The following ECT2L variants were observed in gnomAD, a reference collection of about 807,000 sequenced individuals.
ECT2L encodes epithelial cell transforming 2 like, also known as epithelial cell-transforming sequence 2 oncogene-like.
In ECT2L, 126 loss-of-function variants were observed where a neutral mutation model predicts 122.8. That is an observed-to-expected ratio of 1.03 (90% confidence interval 0.89 to 1.19). ECT2L has a LOEUF of 1.19. ECT2L is among the 50% of genes most tolerant of loss of function. The probability of loss-of-function intolerance (pLI) is 0.00; values close to 1 mark genes in which losing one functional copy is unlikely to be tolerated. For synonymous variants in ECT2L, 385 were observed against 381.8 expected, an observed-to-expected ratio of 1.01 and a Z score of -0.10; for missense variants, 1,012 against 1,064.1, an observed-to-expected ratio of 0.95 and a Z score of 0.68.
intron 20 of ECT2L, among the ~76,000 whole-genome samples, chr6:138,895,726 C>A (rs1779186449): frequency 6.6e-6 from 1 of 152,034 alleles, no homozygotes; most frequent in African/African-American, 2.4e-5. Flanking sequence ...GGCGTGCCAC[C>A]ACTCCCAGCT....
At chr6:138,803,343 C>A (rs1234387215) in intron 1 of ECT2L, among the ~76,000 whole-genome samples, 1 of 144,090 alleles carries the variant, frequency 6.9e-6, no homozygotes, top group Admixed American at 7.0e-5. Context: ...CACACACACA[C>A]AATATACTAT....
intron 4 of ECT2L, among the ~76,000 whole-genome samples, chr6:138,834,806 TGATACTGACAA>T (rs1776766021): frequency 6.6e-6 from 1 of 151,952 alleles, no homozygotes; most frequent in Non-Finnish European, 1.5e-5. Context: ...GCTTTATTGT[TGATACTGACAA>T]GATCCTCAAG....
At position 138,862,688 on chromosome 6, in the gene ECT2L, C is replaced by G; in HGVS notation, c.1260C>G (p.Pro420=). ...SQLTGTFFTA[P]TGIATGSYQH... ...TAACTGGCACGTTCTTTACGGCCCCCACTGGGATTGCAACTGGCTCTTACC... is the reference window on the plus strand; with the variant it reads ...TAACTGGCACGTTCTTTACGGCCCCGACTGGGATTGCAACTGGCTCTTACC... The change falls in exon 11 of 22, where the codon CCC becomes CCG. Residue 420 remains proline, a synonymous_variant. Transcript: ENST00000541398. 1.2e-6 allele frequency: 2 copies of G among 1,614,170 alleles called. No individual in the cohort carries two copies. The highest frequency in any genetic ancestry group is 2.2e-5 in the South Asian group (2 of 91,086).
At chr6:138,873,084 G>A (rs894089623) in intron 13 of ECT2L, among the ~76,000 whole-genome samples, 5 of 152,124 alleles carry the variant, frequency 3.3e-5, no homozygotes, top group Non-Finnish European at 5.9e-5. Flanking sequence ...CTATTGATCC[G>A]AACAGCTCAT....
chr6:138,801,181 A>G lies in ECT2L; in HGVS notation c.-244+4989A>G, dbSNP rs185928135. Reference sequence around the variant, plus strand: ...AGCAATTATGGTTTAAACTGCAATTATACAACAATTATCCATTTACTCATT... The same window carrying G: ...AGCAATTATGGTTTAAACTGCAATTGTACAACAATTATCCATTTACTCATT... On this transcript the variant is annotated intron_variant, in intron 1 of 21. Transcript: ENST00000541398. Among the ~76,000 whole-genome samples the G allele has an allele frequency of 1.5e-3, 228 of 152,306 alleles. 1 individual carries two copies. Among genetic ancestry groups the G allele is most frequent in the African/African-American group, 5.1e-3 (214 of 41,568 alleles).
rs542030488 is a variant in ECT2L at position 138,817,080 on chromosome 6, CATATT to C, written c.179+2481_179+2485del. Among the ~76,000 whole-genome samples, 145 of 152,324 alleles carry C rather than the reference CATATT, an allele frequency of 9.5e-4. 1 individual carries two copies. Among genetic ancestry groups the C allele is most frequent in the Non-Finnish European group, 1.6e-3 (111 of 68,042 alleles). ...GGTCTTTTGTGACTGGCTTCTTTCA[CATATT>C]ATAACGTTCTCAAGGTTCATCCATT... On this transcript the variant is annotated intron_variant, in intron 4 of 21. Transcript: ENST00000541398.
intron 14 of ECT2L, among the ~76,000 whole-genome samples, chr6:138,878,314 C>T (rs970129722): frequency 7.6e-4 from 116 of 152,018 alleles, no homozygotes; most frequent in African/African-American, 2.4e-3. Flanking sequence ...TATACACACA[C>T]ACACACACAC....
chr6:138,876,402 G>C, intron 13 of ECT2L, 70 bp from the exon 14 acceptor site: 1 of 1,057,968 alleles, frequency 9.5e-7, no homozygotes, highest in South Asian at 1.4e-5. Flanking sequence ...GGCCTCCTGC[G>C]GGCACAGTAC....
chr6:138,837,337 G>T (rs559851244), intron 4 of ECT2L, among the ~76,000 whole-genome samples: 4 of 151,846 alleles, frequency 2.6e-5, no homozygotes, highest in Admixed American at 6.6e-5. Context: ...AGAAGCAATC[G>T]TCTCCTTCTC....
intron 20 of ECT2L, among the ~76,000 whole-genome samples, chr6:138,891,178 GAAGT>G (rs1320193659): frequency 2.6e-5 from 4 of 152,176 alleles, no homozygotes; most frequent in South Asian, 2.1e-4. Flanking sequence ...ACTCCTTGTA[GAAGT>G]AAGATACCAA....
chr6:138,816,034 C>G (rs1413442271), intron 4 of ECT2L, among the ~76,000 whole-genome samples: 1 of 152,198 alleles, frequency 6.6e-6, no homozygotes, highest in Non-Finnish European at 1.5e-5. Context: ...AAAGACAGGG[C>G]ACAGATAAAC....
At chr6:138,870,536 T>G (rs977729154) in intron 13 of ECT2L, among the ~76,000 whole-genome samples, 1 of 152,190 alleles carries the variant, frequency 6.6e-6, no homozygotes, top group African/African-American at 2.4e-5. Flanking sequence ...AACTGCAACA[T>G]GTTAACTTGA....
At chr6:138,824,558 TA>T (rs748380178) in intron 4 of ECT2L, among the ~76,000 whole-genome samples, 8 of 131,772 alleles carry the variant, frequency 6.1e-5, no homozygotes, top group African/African-American at 1.1e-4. Context: ...AAAAAAACTA[TA>T]AAAAAAAACA....
chr6:138,860,864 C>T (rs1281403981), intron 10 of ECT2L, among the ~76,000 whole-genome samples: 1 of 152,024 alleles, frequency 6.6e-6, no homozygotes, highest in African/African-American at 2.4e-5. Flanking sequence ...TGTCCTAATG[C>T]TCTCCCTCCC....
chr6:138,799,246 G>T (rs1189646652), intron 1 of ECT2L, among the ~76,000 whole-genome samples: 1 of 150,216 alleles, frequency 6.7e-6, no homozygotes, highest in Non-Finnish European at 1.5e-5. Flanking sequence ...TGTAACCTTG[G>T]ATGATTTTCT....
chr6:138,894,501 A>C (rs1445415723), intron 20 of ECT2L, among the ~76,000 whole-genome samples: 1 of 152,238 alleles, frequency 6.6e-6, no homozygotes, highest in African/African-American at 2.4e-5. Context: ...ATTGTGAGGT[A>C]CATTTATATT....
rs181204039 is a variant in ECT2L at position 138,840,261 on chromosome 6, A to T, written c.342+1747A>T. Among the ~76,000 whole-genome samples the T allele has an allele frequency of 2.2e-3, 342 of 152,330 alleles. 1 individual carries two copies. Among genetic ancestry groups the T allele is most frequent in the African/African-American group, 7.7e-3 (321 of 41,576 alleles). ...TCTTGGGGGTGGCAGAGGTGGAAGA[A>T]AGTGCATATAAATGCACCCACGCAG... On this transcript the variant is annotated intron_variant, in intron 5 of 21. Transcript: ENST00000541398.
chr6:138,842,746 T>A (rs1777086616), intron 5 of ECT2L, among the ~76,000 whole-genome samples: 1 of 152,224 alleles, frequency 6.6e-6, no homozygotes, highest in Non-Finnish European at 1.5e-5. Context: ...CACTCCAGCC[T>A]GGGCGACAGA....
chr6:138,839,250 A>C (rs543634045), intron 5 of ECT2L, among the ~76,000 whole-genome samples: 1 of 152,248 alleles, frequency 6.6e-6, no homozygotes, highest in Non-Finnish European at 1.5e-5. Context: ...AGTTGAAAGC[A>C]GTTAACAGCA....
Sources: gnomAD v4.1 joint callset for allele counts (sites outside exome capture counted in the v4.1 genomes callset) on GRCh38, gnomAD v4.1.1 for gene constraint, MANE v1.5 for transcripts, NCBI Gene and HGNC (gene_info 2026-07-23, HGNC 2026-07-21) for gene names.